The following CNTNAP5 variants were observed in gnomAD, a reference collection of about 807,000 sequenced individuals.
CNTNAP5 encodes the protein contactin-associated protein-like 5.
A neutral mutation model predicts 150.2 loss-of-function variants in CNTNAP5; 72 were observed. The ratio of observed to expected loss-of-function variants is 0.48; its 90% CI spans 0.40 to 0.58. The LOEUF (loss-of-function observed/expected upper bound fraction) is 0.58, where lower values mean the gene tolerates loss of function less well. Ranked by LOEUF, CNTNAP5 falls within the 20% of genes least tolerant of loss-of-function variation. The probability of loss-of-function intolerance (pLI) is 0.00; values close to 1 mark genes in which losing one functional copy is unlikely to be tolerated. For synonymous variants in CNTNAP5, 672 were observed against 619.8 expected (o/e 1.08, Z -1.25); for missense variants, 1,636 against 1,626.2 (o/e 1.01, Z -0.10).
At chr2:124,751,992 G>T (rs1367599644) in intron 14 of CNTNAP5, among the ~76,000 whole-genome samples, 1 of 152,126 alleles carries the variant, frequency 6.6e-6, no homozygotes, top group Non-Finnish European at 1.5e-5. Context: ...TGACTAAGGG[G>T]CAGAGTAGGC....
At chr2:124,294,869 G>C (rs1688381674) in intron 3 of CNTNAP5, among the ~76,000 whole-genome samples, 1 of 152,170 alleles carries the variant, frequency 6.6e-6, no homozygotes, top group Admixed American at 6.5e-5. Flanking sequence ...ATGGCTGGGA[G>C]CGCCGAGGCG....
At chr2:124,735,089 T>C (rs1404624671) in intron 13 of CNTNAP5, among the ~76,000 whole-genome samples, 1 of 152,158 alleles carries the variant, frequency 6.6e-6, no homozygotes. Context: ...GTTGACAGCT[T>C]TGGGCAGAGA....
At chr2:124,513,160 T>C (rs1181541242) in intron 8 of CNTNAP5, among the ~76,000 whole-genome samples, 1 of 152,216 alleles carries the variant, frequency 6.6e-6, no homozygotes, top group Admixed American at 6.5e-5. Context: ...AGGCTACAAA[T>C]CCAGGATCCA....
intron 3 of CNTNAP5, among the ~76,000 whole-genome samples, chr2:124,334,190 T>C (rs1689416525): frequency 1.3e-5 from 2 of 152,142 alleles, no homozygotes; most frequent in Admixed American, 1.3e-4. Context: ...AGGCCTATTT[T>C]TGATGTTTTT....
chr2:124,709,427 T>A lies in CNTNAP5; in HGVS notation c.2078-37802T>A, dbSNP rs76887994. Among the ~76,000 whole-genome samples the A allele has an allele frequency of 2.3e-3, 346 of 151,952 alleles. 2 individuals carry two copies. The highest frequency in any genetic ancestry group is 7.9e-3 in the African/African-American group (326 of 41,470). Reference sequence around the variant, plus strand: ...AATTTTATAAAGTTGAAAAAATGAGTCTTACATAAATATAGAATGAATACA... The same window carrying A: ...AATTTTATAAAGTTGAAAAAATGAGACTTACATAAATATAGAATGAATACA... On this transcript the variant is annotated intron_variant, in intron 13 of 23. Transcript: ENST00000682447.
intron 11 of CNTNAP5, among the ~76,000 whole-genome samples, chr2:124,577,887 T>C (rs1426525842): frequency 6.6e-6 from 1 of 152,006 alleles, no homozygotes; most frequent in Non-Finnish European, 1.5e-5. Flanking sequence ...CTTGAATAGT[T>C]CGGGGATTCT....
intron 1 of CNTNAP5, among the ~76,000 whole-genome samples, chr2:124,108,904 A>T (rs17279088): frequency 0.094 from 14,274 of 152,182 alleles, 793 homozygotes; most frequent in Non-Finnish European, 0.13. Context: ...ACTGTCATTC[A>T]TGCCCCTATC....
At chr2:124,572,366 G>A (rs1696185509) in intron 11 of CNTNAP5, among the ~76,000 whole-genome samples, 1 of 152,098 alleles carries the variant, frequency 6.6e-6, no homozygotes, top group African/African-American at 2.4e-5. Context: ...TGGTTACTGG[G>A]CTTAATACCT....
intron 1 of CNTNAP5, among the ~76,000 whole-genome samples, chr2:124,060,085 T>C (rs1329726295): frequency 1.3e-5 from 2 of 152,334 alleles, no homozygotes; most frequent in Non-Finnish European, 2.9e-5. Context: ...TTGACACTTA[T>C]GAGAAGTTTA....
intron 1 of CNTNAP5, among the ~76,000 whole-genome samples, chr2:124,028,634 C>A (rs1218742133): frequency 6.6e-6 from 1 of 151,966 alleles, no homozygotes; most frequent in Non-Finnish European, 1.5e-5. Context: ...ATATAGTAGG[C>A]CAATGTTTAA....
At chr2:124,524,241 CCCCTCTCTCTAAGTCTTCTG>C in intron 8 of CNTNAP5, 42 bp from the exon 9 acceptor site, 1 of 1,558,904 alleles carries the variant, frequency 6.4e-7, no homozygotes, top group Admixed American at 1.7e-5. Flanking sequence ...GGAAATGAGC[CCCCTCTCTCTAAGTCTTCTG>C]GACCCATCAT....
intron 1 of CNTNAP5, among the ~76,000 whole-genome samples, chr2:124,084,744 A>T (rs1419931171): frequency 2.0e-5 from 3 of 152,030 alleles, no homozygotes; most frequent in Admixed American, 2.0e-4. Flanking sequence ...TCATGTGTAT[A>T]TATCTTCATT....
intron 13 of CNTNAP5, among the ~76,000 whole-genome samples, chr2:124,737,527 C>G (rs75990132): frequency 6.6e-6 from 1 of 152,024 alleles, no homozygotes; most frequent in African/African-American, 2.4e-5. Context: ...TGGAATAAGA[C>G]GTAAGGCTGA....
chr2:124,872,724 C>T (rs1279003078), intron 21 of CNTNAP5, among the ~76,000 whole-genome samples: 5 of 151,788 alleles, frequency 3.3e-5, no homozygotes, highest in South Asian at 2.1e-4. Flanking sequence ...TGTGGGCTTA[C>T]GGACCACAAA....
chr2:124,437,939 A>T (rs1454614860), intron 5 of CNTNAP5, among the ~76,000 whole-genome samples: 1 of 152,148 alleles, frequency 6.6e-6, no homozygotes, highest in African/African-American at 2.4e-5. Flanking sequence ...TGCAATGTTT[A>T]TTCATTTTCT....
chr2:124,335,639 A>C (rs1446358545), intron 3 of CNTNAP5, among the ~76,000 whole-genome samples: 1 of 150,846 alleles, frequency 6.6e-6, no homozygotes, highest in Non-Finnish European at 1.5e-5. Flanking sequence ...TTTTTCTCCT[A>C]TTAATCTAAA....
chr2:124,566,262 G>A (rs952226493), intron 11 of CNTNAP5, among the ~76,000 whole-genome samples: 23 of 152,102 alleles, frequency 1.5e-4, no homozygotes, highest in African/African-American at 4.3e-4. Flanking sequence ...AAAACAACCC[G>A]AATTTCAGCC....
chr2:124,459,812 A>AGCCCATGT (rs1693206599), intron 6 of CNTNAP5, among the ~76,000 whole-genome samples: 2 of 151,872 alleles, frequency 1.3e-5, no homozygotes, highest in African/African-American at 4.8e-5. Context: ...GGAATAATAC[A>AGCCCATGT]GCCCATGTTG....
At chr2:124,527,496 C>A in intron 10 of CNTNAP5, 40 bp downstream of exon 10, 1 of 1,502,458 alleles carries the variant, frequency 6.7e-7, no homozygotes, top group Non-Finnish European at 9.1e-7. Context: ...CCACCCCCTT[C>A]CCATTCTTAC....
Sources: gnomAD v4.1 joint callset for allele counts (sites outside exome capture counted in the v4.1 genomes callset) on GRCh38, gnomAD v4.1.1 for gene constraint, MANE v1.5 for transcripts, NCBI Gene and HGNC (gene_info 2026-07-23, HGNC 2026-07-21) for gene names.